DHX8: variants seen among roughly 807,000 people sequenced by gnomAD.
DHX8 encodes DEAH-box helicase 8.
DHX8 carries 67 observed loss-of-function variants against 140.7 expected under a neutral mutation model. The observed-to-expected ratio is 0.48, with a 90% CI of 0.39 to 0.58. The LOEUF is 0.58. DHX8 is among the 20% of genes least tolerant of loss of function. The pLI, the probability that DHX8 is intolerant of heterozygous loss-of-function variation, is 0.00. For synonymous variants in DHX8, 533 were observed against 553.2 expected (o/e 0.96, Z 0.51); for missense variants, 887 against 1,550.7 (o/e 0.57, Z 7.19).
intron 17 of DHX8, among the ~76,000 whole-genome samples, chr17:43,516,295 T>C (rs1970110709): frequency 6.6e-6 from 1 of 152,200 alleles, no homozygotes; most frequent in African/African-American, 2.4e-5. Flanking sequence ...TTTAGGGTTT[T>C]TTTCGCCTAG....
intron 3 of DHX8, among the ~76,000 whole-genome samples, chr17:43,538,954 A>G (rs186379527): frequency 6.6e-6 from 1 of 152,040 alleles, no homozygotes; most frequent in Non-Finnish European, 1.5e-5. Flanking sequence ...GGCCTATACA[A>G]ATACATATCC....
At chr17:43,496,471 C>T (rs1968866117) in intron 9 of DHX8, among the ~76,000 whole-genome samples, 1 of 151,934 alleles carries the variant, frequency 6.6e-6, no homozygotes, top group Admixed American at 6.6e-5. Flanking sequence ...TATTATTATA[C>T]CTGTTGCTTA....
chr17:43,492,407 C>G (rs1384711360), intron 5 of DHX8, 115 bp downstream of exon 5: 2 of 734,992 alleles, frequency 2.7e-6, no homozygotes, highest in Non-Finnish European at 4.7e-6. Flanking sequence ...GGTCATATAT[C>G]ATATTGTTGG....
chr17:43,484,732 C>G (rs1024742941), intron 1 of DHX8, among the ~76,000 whole-genome samples: 3 of 152,120 alleles, frequency 2.0e-5, no homozygotes, highest in African/African-American at 4.8e-5. Context: ...GCCTCCACCT[C>G]CTGGGCTCAA....
At chr17:43,484,321 GC>G in intron 1 of DHX8, 136 bp downstream of exon 1, 1 of 1,071,030 alleles carries the variant, frequency 9.3e-7, no homozygotes, top group Non-Finnish European at 1.4e-6. Flanking sequence ...AGACACCGGT[GC>G]CCAGGGTACA....
At chr17:43,495,320 C>T (rs1429828543) in intron 8 of DHX8, among the ~76,000 whole-genome samples, 5 of 152,160 alleles carry the variant, frequency 3.3e-5, no homozygotes, top group Non-Finnish European at 1.5e-5. Context: ...GCACTATTGC[C>T]CAGGCAAGAG....
chr17:43,513,665 C>G (rs1036232415), intron 17 of DHX8, among the ~76,000 whole-genome samples, 163 bp downstream of exon 17: 1 of 141,776 alleles, frequency 7.1e-6, no homozygotes, highest in Non-Finnish European at 1.6e-5. Context: ...TGTTTTTAAT[C>G]TTTTTTTATC....
chr17:43,541,405 C>T (rs1449127546), intron 3 of DHX8, among the ~76,000 whole-genome samples: 6 of 152,254 alleles, frequency 3.9e-5, no homozygotes, highest in Admixed American at 6.5e-5. Flanking sequence ...AGCTCCATCC[C>T]GGTACTAAGA....
chr17:43,504,519 C>T, intron 11 of DHX8, 125 bp from the exon 12 acceptor site: 1 of 913,304 alleles, frequency 1.1e-6, no homozygotes, highest in Non-Finnish European at 1.7e-6. Context: ...TCTTTGAGTA[C>T]TTTTGATCAC....
At chr17:43,511,756 C>A (rs1211576167) in intron 16 of DHX8, among the ~76,000 whole-genome samples, 1 of 148,636 alleles carries the variant, frequency 6.7e-6, no homozygotes, top group Non-Finnish European at 1.5e-5. Context: ...CCACGCCTGG[C>A]AGATCCCAGC....
At position 43,484,029 on chromosome 17, in the gene DHX8, G is replaced by A; in HGVS notation, c.-9G>A. ...CTGTGAGGAAGGAGGTTCTGGGCAA[G>A]CTATAGCCATGGCTGTGGCTGTAGC... On this transcript the variant is annotated 5_prime_UTR_variant, in exon 1 of 23. Transcript: ENST00000262415. The A allele has an allele frequency of 1.2e-6, 2 of 1,614,150 alleles. No individual in the cohort carries two copies. The highest frequency in any genetic ancestry group is 1.6e-4 in the Middle Eastern group (1 of 6,062).
At chr17:43,540,424 GCC>G (rs1295728435) in intron 3 of DHX8, among the ~76,000 whole-genome samples, 1 of 152,210 alleles carries the variant, frequency 6.6e-6, no homozygotes, top group Non-Finnish European at 1.5e-5. Flanking sequence ...ATGCACTCCA[GCC>G]TGGGCAACAG....
intron 13 of DHX8, 40 bp from the exon 14 acceptor site, chr17:43,507,463 A>T: frequency 6.4e-7 from 1 of 1,569,688 alleles, no homozygotes; most frequent in African/African-American, 1.4e-5. Context: ...GGAAAAGGAG[A>T]CATTTGTATC....
chr17:43,515,415 C>T (rs1970054610), intron 17 of DHX8, among the ~76,000 whole-genome samples: 1 of 152,184 alleles, frequency 6.6e-6, no homozygotes, highest in Non-Finnish European at 1.5e-5. Context: ...TCTCCATCTC[C>T]TGACCACATG....
At chr17:43,532,662 C>G in intron 2 of DHX8, 1 of 1,606,730 alleles carries the variant, frequency 6.2e-7, no homozygotes, top group Non-Finnish European at 8.5e-7. Flanking sequence ...CTGCCCCACC[C>G]CAGTCTCTTA....
At chr17:43,492,589 A>G (rs1262748460) in intron 5 of DHX8, 92 bp from the exon 6 acceptor site, 5 of 738,094 alleles carry the variant, frequency 6.8e-6, no homozygotes, top group African/African-American at 1.8e-5. Context: ...GTGGGTACCT[A>G]CCATGTGCAT....
intron 19 of DHX8, 91 bp from the exon 20 acceptor site, chr17:43,520,660 G>T (rs1970329806): frequency 1.3e-6 from 2 of 1,503,492 alleles, no homozygotes; most frequent in Non-Finnish European, 1.8e-6. Context: ...GAAAATCTGT[G>T]TTGTTACCCA....
At chr17:43,523,536 T>C (rs1970492467) in intron 22 of DHX8, 92 bp from the exon 23 acceptor site, 2 of 1,554,670 alleles carry the variant, frequency 1.3e-6, no homozygotes, top group South Asian at 2.5e-5. Flanking sequence ...TAGTATAAAA[T>C]GTAAGCTCAG....
At chr17:43,517,457 A>G in intron 18 of DHX8, 135 bp downstream of exon 18, 1 of 1,043,844 alleles carries the variant, frequency 9.6e-7, no homozygotes. Flanking sequence ...GTGAAATGCA[A>G]ATGGCTGTGA....
Sources: allele counts gnomAD v4.1 joint callset (sites outside exome capture counted in the v4.1 genomes callset), GRCh38; gene constraint gnomAD v4.1.1; transcripts MANE v1.5; gene names NCBI Gene and HGNC (gene_info 2026-07-23, HGNC 2026-07-21).